The following NOX4 variants were observed in gnomAD, a reference collection of about 807,000 sequenced individuals.
NOX4 encodes the protein NADPH oxidase 4.
In NOX4, 69 loss-of-function variants were observed where a neutral mutation model predicts 87.6. The ratio of observed to expected loss-of-function variants is 0.79; its 90% CI spans 0.65 to 0.96. The LOEUF (loss-of-function observed/expected upper bound fraction) is 0.96. NOX4 is among the 40% of genes least tolerant of loss of function. NOX4 has a pLI of 0.00. For missense variants in NOX4, 680 were observed against 681.5 expected, an observed-to-expected ratio of 1.00 and a Z score of 0.02; for synonymous variants, 275 against 238.2, an observed-to-expected ratio of 1.15 and a Z score of -1.42.
At chr11:89,571,263 C>G in the NOX4 span, among the ~76,000 whole-genome samples, 1 of 151,808 alleles carries the variant, frequency 6.6e-6, no homozygotes, top group Non-Finnish European at 1.5e-5. Context: ...AGTAGTTCTA[C>G]ATTTTAAAAT....
intron 2 of NOX4, among the ~76,000 whole-genome samples, chr11:89,467,224 G>A (rs1012885510): frequency 1.9e-4 from 29 of 151,054 alleles, no homozygotes; most frequent in Admixed American, 3.3e-4. Context: ...AGTGGCGGGC[G>A]CCTGTAGTCC....
intron 11 of NOX4, among the ~76,000 whole-genome samples, chr11:89,391,733 T>C (rs1941138981): frequency 7.7e-6 from 1 of 129,338 alleles, no homozygotes; most frequent in South Asian, 2.4e-4. Context: ...GAGGCAGACC[T>C]TGTCTCAAAA....
At chr11:89,514,438 C>CA in the NOX4 span, among the ~76,000 whole-genome samples, 1 of 151,822 alleles carries the variant, frequency 6.6e-6, no homozygotes, top group African/African-American at 2.4e-5. Flanking sequence ...AACTAATATA[C>CA]AAAAAAGATA....
chr11:89,562,466 A>G, the NOX4 span, among the ~76,000 whole-genome samples: 1 of 152,086 alleles, frequency 6.6e-6, no homozygotes, highest in African/African-American at 2.4e-5. Flanking sequence ...TGATTCCGAT[A>G]TAAGTAACCT....
the NOX4 span, among the ~76,000 whole-genome samples, chr11:89,523,883 T>G: frequency 1.3e-5 from 2 of 152,188 alleles, no homozygotes. Context: ...CACAAACATA[T>G]GTATAGCATG....
the NOX4 span, among the ~76,000 whole-genome samples, chr11:89,565,204 G>A: frequency 6.6e-5 from 10 of 151,898 alleles, no homozygotes; most frequent in Non-Finnish European, 1.5e-5. Context: ...TCTCAATAAT[G>A]ATTTACAGTT....
chr11:89,431,585 A>C (rs562605065), intron 7 of NOX4, among the ~76,000 whole-genome samples: 2 of 152,296 alleles, frequency 1.3e-5, no homozygotes, highest in East Asian at 1.9e-4. Flanking sequence ...ATGCAGCCAA[A>C]AGACACATGA....
intron 11 of NOX4, among the ~76,000 whole-genome samples, chr11:89,389,032 A>G (rs1186001186): frequency 6.6e-6 from 1 of 152,220 alleles, no homozygotes; most frequent in Non-Finnish European, 1.5e-5. Flanking sequence ...GAAGTAGAGC[A>G]TACAGGTCTC....
chr11:89,490,698 G>A lies in NOX4; in HGVS notation c.58-145C>T, dbSNP rs1207357855. The A allele has an allele frequency of 4.2e-6, 3 of 722,062 alleles. No homozygotes were observed. The South Asian group carries it at 4.4e-5, about 11-fold the overall frequency. The allele number at this position is 722,062 out of a possible 1,614,324, so 44.7% of individuals were successfully genotyped here. A position where few individuals can be genotyped will look rare whatever the true frequency, so the allele number is the denominator to read the frequency against. On this transcript the variant is annotated intron_variant, in intron 1 of 17. Coordinates refer to ENST00000263317, the MANE Select transcript of NOX4 (RefSeq NM_016931.5). ...TGCAGAAAGCATTTTCAATTAACCA[G>A]CAAGCTGAAAACCACTCAGAGGAAA...
the NOX4 span, among the ~76,000 whole-genome samples, chr11:89,582,985 A>T: frequency 6.6e-6 from 1 of 152,180 alleles, no homozygotes; most frequent in East Asian, 1.9e-4. Context: ...TAAATAACTG[A>T]ATCACATACA....
At chr11:89,526,843 G>T in the NOX4 span, among the ~76,000 whole-genome samples, 2 of 152,140 alleles carry the variant, frequency 1.3e-5, no homozygotes, top group Non-Finnish European at 2.9e-5. Context: ...AATTGGGACT[G>T]GAGAGAGTGG....
At chr11:89,338,388 T>C (rs1186495585) in intron 15 of NOX4, among the ~76,000 whole-genome samples, 2 of 152,140 alleles carry the variant, frequency 1.3e-5, no homozygotes, top group Non-Finnish European at 2.9e-5. Context: ...TTCATTCAAC[T>C]ATTGATGAAT....
chr11:89,491,209 C>T lies in NOX4; in HGVS notation c.38G>A (p.Gly13Glu), dbSNP rs757272793. The T allele has an allele frequency of 2.5e-6, 4 of 1,613,762 alleles. No individual in the cohort carries two copies. Among genetic ancestry groups the T allele is most frequent in the Non-Finnish European group, 3.4e-6 (4 of 1,179,934 alleles). Residue 13 changes from glycine to glutamate, a missense_variant, in exon 1 of 18, where the codon GGG (glycine) becomes GAG (glutamate). Coordinates refer to ENST00000263317, the MANE Select transcript of NOX4 (RefSeq NM_016931.5). Reference protein sequence around the residue: ...VSWRSWLANEGVKHLCLFIWL... With the variant: ...VSWRSWLANEEVKHLCLFIWL... ...TCCTACCAGGCAGAGGTGTTTAACC[C>T]CTTCGTTGGCGAGCCAGCTCCTCCA...
intron 2 of NOX4, among the ~76,000 whole-genome samples, chr11:89,472,612 A>G (rs910759554): frequency 1.3e-5 from 2 of 152,170 alleles, no homozygotes; most frequent in African/African-American, 4.8e-5. Flanking sequence ...TAGAAAAGCT[A>G]TTAAAAGTCA....
At chr11:89,479,144 AC>A (rs1189788070) in intron 2 of NOX4, among the ~76,000 whole-genome samples, 3 of 152,078 alleles carry the variant, frequency 2.0e-5, no homozygotes, top group African/African-American at 7.2e-5. Context: ...TGAGATCTTC[AC>A]CCTCCTTGAA....
rs187964399 is a variant in NOX4, at chr11:89,446,445, G to A, written c.350-2213C>T. 1.2e-4 allele frequency among the ~76,000 whole-genome samples: 18 copies of A among 151,728 alleles called. No homozygotes were observed. The South Asian group carries it at 2.3e-3, about 19-fold the overall frequency. On this transcript the variant is annotated intron_variant, in intron 4 of 17. Transcript: ENST00000263317. ...TACAGCAGCTTTATTCATTATTGTC[G>A]AAATCTGGAAGCAACCAACATGTCT...
the NOX4 span, among the ~76,000 whole-genome samples, chr11:89,526,028 T>G: frequency 3.3e-5 from 5 of 152,264 alleles, no homozygotes; most frequent in African/African-American, 9.6e-5. Flanking sequence ...TATACGTGAG[T>G]CTATTTCAGA....
intron 8 of NOX4, among the ~76,000 whole-genome samples, chr11:89,403,507 T>A (rs771955809): frequency 1.3e-5 from 2 of 152,124 alleles, no homozygotes; most frequent in Non-Finnish European, 2.9e-5. Flanking sequence ...TACTTAATTT[T>A]AGTAGTTTAA....
In NOX4 at chr11:89,473,464, C is replaced by CAA. The variant is rs57686439; in HGVS notation, c.153+16992_153+16993dup. ...AAGATATACTGGTGGCCTGAATAAACAAAAAAAAAAATGAGAGAAAACGCA... is the reference window on the plus strand; with the variant it reads ...AAGATATACTGGTGGCCTGAATAAACAAAAAAAAAAAAATGAGAGAAAACGCA... On this transcript the variant is annotated intron_variant, in intron 2 of 17. Coordinates refer to ENST00000263317, the MANE Select transcript of NOX4 (RefSeq NM_016931.5). Among the ~76,000 whole-genome samples, 28 of 141,932 alleles carry CAA rather than the reference C, an allele frequency of 2.0e-4. 1 individual carries two copies. The highest frequency in any genetic ancestry group is 3.6e-3 in the Middle Eastern group (1 of 278). 93.1% of individuals were successfully genotyped at this position (141,932 alleles called of 152,430 possible). A position where few individuals can be genotyped will look rare whatever the true frequency, so the allele number is the denominator to read the frequency against.
Sources: gnomAD v4.1 joint callset for allele counts (sites outside exome capture counted in the v4.1 genomes callset) on GRCh38, gnomAD v4.1.1 for gene constraint, MANE v1.5 for transcripts, NCBI Gene and HGNC (gene_info 2026-07-23, HGNC 2026-07-21) for gene names.